Variants in ARMC6 observed in about 807,000 individuals in gnomAD.
ARMC6 encodes armadillo repeat containing 6.
In ARMC6, 43 loss-of-function variants were observed where a neutral mutation model predicts 49.2. That is an observed-to-expected ratio of 0.87 (90% CI 0.69 to 1.13). The LOEUF (loss-of-function observed/expected upper bound fraction) is 1.13. Ranked by LOEUF, ARMC6 falls within the 50% of genes most tolerant of loss-of-function variation. ARMC6 has a pLI of 0.00. For missense variants in ARMC6, 627 were observed against 682.0 expected (o/e 0.92, Z 0.90); for synonymous variants, 262 against 289.6 (o/e 0.90, Z 0.97).
At chr19:19,057,149 C>G (rs1448366043) in intron 8 of ARMC6, among the ~76,000 whole-genome samples, 1 of 152,240 alleles carries the variant, frequency 6.6e-6, no homozygotes, top group Non-Finnish European at 1.5e-5. Context: ...TCAGGCTCAC[C>G]AACTCTGAGG....
intron 2 of ARMC6, chr19:19,040,621 T>G: frequency 3.6e-6 from 1 of 278,490 alleles, no homozygotes; most frequent in Non-Finnish European, 7.4e-6. Flanking sequence ...CTGAGCTGTA[T>G]TTGTTTTAGT....
rs1469597943 is a variant in ARMC6, at chr19:19,055,306, A to G, written c.1065A>G (p.Ala355=). The G allele has an allele frequency of 1.9e-6, 3 of 1,612,654 alleles. No individual in the cohort carries two copies. In the Admixed American group the frequency reaches 5.0e-5, roughly 27 times the overall value. ...TGCTGAGCACCCTGCGAGCCATCGC[A>G]GGCAACGACGACGTGAAAGATGCTA... is the stretch of plus-strand genomic sequence containing the variant. ...KQVLSTLRAI[A]GNDDVKDAIV... The change falls in exon 7 of 9, where the codon GCA becomes GCG. Residue 355 remains alanine (A), a synonymous_variant. Coordinates refer to ENST00000535612, the MANE Select transcript of ARMC6 (RefSeq NM_001199196.2). This position sits in a 1 kb window ranked among gnomAD's most constrained non-coding sequence, Gnocchi z 5.7.
chr19:19,043,616 G>T (rs551998559), intron 3 of ARMC6, among the ~76,000 whole-genome samples: 1 of 152,268 alleles, frequency 6.6e-6, no homozygotes, highest in African/African-American at 2.4e-5. Context: ...GCCAGCAGGG[G>T]CAAGAATGCA....
Position 19,057,749 on chromosome 19 carries a change from G to C in ARMC6, c.*121G>C. ...CCCTTCACAATGAGAAGTGTTTTCT[G>C]GCAGGCCCTAGGTAAAGGGTCGGGG... On this transcript the variant is annotated 3_prime_UTR_variant, in exon 9 of 9. Transcript: ENST00000535612. The C allele has an allele frequency of 8.9e-7, 1 of 1,123,808 alleles. No homozygotes were observed. Among genetic ancestry groups the C allele is most frequent in the Admixed American group, 1.7e-5 (1 of 59,280 alleles). The allele number at this position is 1,123,808 out of a possible 1,614,324, so 69.6% of individuals were successfully genotyped here. A position where few individuals can be genotyped will look rare whatever the true frequency, so the allele number is the denominator to read the frequency against.
At chr19:19,051,491 T>A in intron 4 of ARMC6, 131 bp from the exon 5 acceptor site, 2 of 828,462 alleles carry the variant, frequency 2.4e-6, no homozygotes. Context: ...GAGCTGTAAC[T>A]TGCCCCACAT....
Position 19,044,055 on chromosome 19 carries a change from C to G in ARMC6, c.260C>G (p.Pro87Arg). 6.2e-7 allele frequency: 1 copy of G among 1,614,096 alleles called. No individual in the cohort carries two copies. The highest frequency in any genetic ancestry group is 8.5e-7 in the Non-Finnish European group (1 of 1,179,962). The change falls in exon 4 of 9, where the codon CCC becomes CGC. Residue 87 changes from proline (P) to arginine (R), a missense_variant. Transcript: ENST00000535612. ...GTCTCTGCAGACGGATCCCAGGAGC[C>G]CACACATGACATCCTGCAGGTAGGA... The part of the protein sequence containing the change: ...PKVSADGSQE[P>R]THDILQMLSD...
chr19:19,047,600 G>A (rs1309448557), intron 4 of ARMC6, among the ~76,000 whole-genome samples: 1 of 152,160 alleles, frequency 6.6e-6, no homozygotes, highest in Non-Finnish European at 1.5e-5. Context: ...TGAGCAAGGT[G>A]GTGAGCGCCA....
Position 19,055,270 on chromosome 19 carries a change from C to T in ARMC6, c.1029C>T (p.Leu343=), listed in dbSNP as rs200075145. 85 of 1,598,300 alleles carry T rather than the reference C, an allele frequency of 5.3e-5. 2 individuals carry two copies. The South Asian group carries it at 8.5e-4, about 16-fold the overall frequency. Residue 343 remains leucine (L), a synonymous_variant, in exon 7 of 9, where the codon CTC becomes CTT. Transcript: ENST00000535612. The surrounding 1 kb of genome is among the most constrained non-coding windows in gnomAD (Gnocchi z 5.7). The part of the protein sequence containing the change: ...QMRDQSGVQE[L]VKQVLSTLRA... ...CGGGCCTTTCCCTTGTGCAGGAGCT[C>T]GTGAAGCAAGTGCTGAGCACCCTGC...
rs1374613758 is a variant in ARMC6, at chr19:19,051,894, G to A, written c.552G>A (p.Thr184=). 8.1e-6 allele frequency: 13 copies of A among 1,614,124 alleles called. No individual in the cohort carries two copies. The highest frequency in any genetic ancestry group is 1.1e-5 in the South Asian group (1 of 91,086). ...DAQGLQLLVA[T]LTQNADEADL... The stretch of plus-strand genomic sequence containing the variant: ...AGGGCCTGCAGCTCCTAGTGGCCAC[G>A]CTGACCCAGAATGCTGATGAGGCTG... The change falls in exon 5 of 9, where the codon ACG becomes ACA. Residue 184 remains threonine, a synonymous_variant. Transcript: ENST00000535612.
chr19:19,051,387 G>C (rs1383102081), intron 4 of ARMC6, among the ~76,000 whole-genome samples: 3 of 132,824 alleles, frequency 2.3e-5, no homozygotes, highest in East Asian at 3.9e-4. Context: ...GTGTGTGTGT[G>C]TGTGTGTGTG....
At chr19:19,054,014 G>A in intron 5 of ARMC6, 138 bp from the exon 6 acceptor site, 1 of 787,952 alleles carries the variant, frequency 1.3e-6, no homozygotes, top group East Asian at 3.3e-5. Flanking sequence ...GGTGTTCCCT[G>A]GGGCCTTCCT....
intron 2 of ARMC6, among the ~76,000 whole-genome samples, chr19:19,039,071 A>T (rs1466674548): frequency 6.6e-6 from 1 of 152,162 alleles, no homozygotes; most frequent in African/African-American, 2.4e-5. Context: ...TTTTAAACAG[A>T]TTAGCACTTT....
In ARMC6 at chr19:19,038,529, C is replaced by G. The variant is rs146472354; in HGVS notation, c.30-4182C>G. 5.3e-5 allele frequency among the ~76,000 whole-genome samples: 8 copies of G among 152,268 alleles called. No individual in the cohort carries two copies. In the East Asian group the frequency reaches 1.5e-3, roughly 29 times the overall value. On this transcript the variant is annotated intron_variant, in intron 2 of 8. Transcript: ENST00000535612. ...TTAGTGGGTCATCTAAGTGTTGATA[C>G]CTACCCCTGGTTTCCAGGGTATGCC...
rs1053667800 is a variant in ARMC6 at position 19,056,076 on chromosome 19, A to G, written c.1293+148A>G. 3.2e-6 allele frequency: 3 copies of G among 950,704 alleles called. No individual in the cohort carries two copies. In the South Asian group the frequency reaches 9.2e-5, roughly 29 times the overall value. 58.9% of individuals were successfully genotyped at this position (950,704 alleles called of 1,614,324 possible). A position where few individuals can be genotyped will look rare whatever the true frequency, so the allele number is the denominator to read the frequency against. ...CTATCCCTGTCCCTGTCCCTCCCAC[A>G]GCCGAGCCCCATAGGGCCAACTTCT... On this transcript the variant is annotated intron_variant, in intron 8 of 8. Coordinates refer to ENST00000535612, the MANE Select transcript of ARMC6 (RefSeq NM_001199196.2).
intron 4 of ARMC6, among the ~76,000 whole-genome samples, chr19:19,048,306 A>AT (rs1194972606): frequency 6.6e-6 from 1 of 152,186 alleles, no homozygotes; most frequent in Non-Finnish European, 1.5e-5. Context: ...AGATTGCACC[A>AT]TTGCACTCCA....
chr19:19,035,610 C>T (rs182839920), intron 2 of ARMC6, among the ~76,000 whole-genome samples: 2 of 152,164 alleles, frequency 1.3e-5, no homozygotes, highest in Admixed American at 6.5e-5. Context: ...CCAACTCAGT[C>T]AGCTCAGGGG....
At position 19,054,314 on chromosome 19, in the gene ARMC6, G is replaced by A. The variant is rs374812548; in HGVS notation, c.1016G>A (p.Gly339Asp). The change falls in exon 6 of 9, where the codon GGC (glycine) becomes GAC (aspartate). Residue 339 changes from glycine (G) to aspartate (D), a missense_variant. Physicochemically the swap from Gly to Asp is moderately conservative, Grantham distance 94 (BLOSUM62 -1). Transcript: ENST00000535612. ...CNDHQMRDQS[G>D]VQELVKQVLS... ...GACCACCAGATGAGGGACCAGAGCGGCGTTCAGGTATGAAGTCCCCCTGGC... is the reference window on the plus strand; with the variant it reads ...GACCACCAGATGAGGGACCAGAGCGACGTTCAGGTATGAAGTCCCCCTGGC... 1.3e-5 allele frequency: 20 copies of A among 1,583,190 alleles called. No homozygotes were observed. The highest frequency in any genetic ancestry group is 1.7e-5 in the Non-Finnish European group (20 of 1,164,376).
rs1291687515 is a variant in ARMC6, at chr19:19,057,713, T to C, written c.*85T>C. 7.3e-7 allele frequency: 1 copy of C among 1,368,130 alleles called. No individual in the cohort carries two copies. Among genetic ancestry groups the C allele is most frequent in the South Asian group, 1.2e-5 (1 of 86,134 alleles). 84.7% of individuals were successfully genotyped at this position (1,368,130 alleles called of 1,614,324 possible). A position where few individuals can be genotyped will look rare whatever the true frequency, so the allele number is the denominator to read the frequency against. On this transcript the variant is annotated 3_prime_UTR_variant, in exon 9 of 9. Coordinates refer to ENST00000535612, the MANE Select transcript of ARMC6 (RefSeq NM_001199196.2). Reference sequence around the variant, plus strand: ...GATCCATGTCCTCCACTGTCCCCCATTAGTTCTGTCCCCTTCACAATGAGA... The same window carrying C: ...GATCCATGTCCTCCACTGTCCCCCACTAGTTCTGTCCCCTTCACAATGAGA...
At chr19:19,049,461 G>A (rs944132146) in intron 4 of ARMC6, among the ~76,000 whole-genome samples, 16 of 152,164 alleles carry the variant, frequency 1.1e-4, no homozygotes, top group Non-Finnish European at 1.9e-4. Flanking sequence ...TTTCTGTCAG[G>A]AGCTTTTCAA....
Sources: allele counts gnomAD v4.1 joint callset (sites outside exome capture counted in the v4.1 genomes callset), GRCh38; gene constraint gnomAD v4.1.1; non-coding constraint Gnocchi (gnomAD v3.1); transcripts MANE v1.5; gene names NCBI Gene and HGNC (gene_info 2026-07-23, HGNC 2026-07-21).